The following FREM1 variants were observed in gnomAD, a reference collection of about 807,000 sequenced individuals.
The protein encoded by FREM1 is FRAS1-related extracellular matrix protein 1.
Under a neutral mutation model 210.1 loss-of-function variants are expected in FREM1, and 220 were observed. That is an observed-to-expected ratio of 1.05 (90% CI 0.94 to 1.17). The LOEUF is 1.17. Among genes scored for constraint, FREM1 ranks in the 50% most tolerant of loss-of-function variants. FREM1 has a pLI of 0.00. For missense variants in FREM1, 3,454 were observed against 2,675.5 expected (o/e 1.29, Z -6.42); for synonymous variants, 1,189 against 980.2 (o/e 1.21, Z -3.98).
At chr9:14,824,275 C>T (rs943803794) in intron 11 of FREM1, among the ~76,000 whole-genome samples, 160 bp from the exon 12 acceptor site, 1 of 152,136 alleles carries the variant, frequency 6.6e-6, no homozygotes, top group Non-Finnish European at 1.5e-5. Flanking sequence ...GCATTAAGTC[C>T]AGTTTCATCA....
chr9:14,799,822 G>C (rs1376173826), intron 20 of FREM1, among the ~76,000 whole-genome samples: 1 of 151,150 alleles, frequency 6.6e-6, no homozygotes, highest in African/African-American at 2.4e-5. Flanking sequence ...TATACTTTAA[G>C]TTTTAGGGTA....
At chr9:14,788,247 T>C (rs1220097931) in intron 23 of FREM1, among the ~76,000 whole-genome samples, 2 of 152,132 alleles carry the variant, frequency 1.3e-5, no homozygotes, top group Non-Finnish European at 2.9e-5. Context: ...GTAGTAACAG[T>C]TGGGTATCAA....
chr9:14,742,669 G>A (rs1360425735), intron 35 of FREM1, among the ~76,000 whole-genome samples: 1 of 152,114 alleles, frequency 6.6e-6, no homozygotes, highest in African/African-American at 2.4e-5. Flanking sequence ...CTAGGAATTT[G>A]ATCATACCTT....
intron 1 of FREM1, among the ~76,000 whole-genome samples, chr9:14,904,944 C>A (rs1307820945): frequency 6.6e-6 from 1 of 152,182 alleles, no homozygotes; most frequent in Non-Finnish European, 1.5e-5. Flanking sequence ...TTCCCCACTG[C>A]CATCAACCAC....
intron 23 of FREM1, among the ~76,000 whole-genome samples, chr9:14,786,097 C>T (rs1186159124): frequency 6.6e-6 from 1 of 152,142 alleles, no homozygotes. Context: ...AGGTACAGAA[C>T]TAAAGACCCT....
At chr9:14,764,998 G>C (rs1428898958) in intron 27 of FREM1, among the ~76,000 whole-genome samples, 3 of 152,080 alleles carry the variant, frequency 2.0e-5, no homozygotes, top group Non-Finnish European at 4.4e-5. Flanking sequence ...GTACTTCAAA[G>C]GGGTTAAGTG....
At position 14,801,888 on chromosome 9, in the gene FREM1, CAT is replaced by C; in HGVS notation, c.3472-16_3472-15del. On this transcript the variant is annotated splice_polypyrimidine_tract_variant and intron_variant, in intron 19 of 36. Transcript: ENST00000380880. Reference sequence around the variant, plus strand: ...ACCCTCACACACCTGAGCAAGAACACATGAGAAAAGTCAACAATGCATAAAAG... The same window carrying C: ...ACCCTCACACACCTGAGCAAGAACACGAGAAAAGTCAACAATGCATAAAAG... 6.3e-7 allele frequency: 1 copy of C among 1,579,508 alleles called. No homozygotes were observed. The highest frequency in any genetic ancestry group is 8.6e-7 in the Non-Finnish European group (1 of 1,158,584).
chr9:14,870,339 G>A (rs985909434), intron 1 of FREM1, among the ~76,000 whole-genome samples: 2 of 152,198 alleles, frequency 1.3e-5, no homozygotes, highest in Non-Finnish European at 1.5e-5. Flanking sequence ...ACACTTTACA[G>A]AGCAGCCTGT....
At position 14,906,719 on chromosome 9, in the gene FREM1, A is replaced by C. The variant is rs1817757591; in HGVS notation, c.-268+3195T>G. 7.2e-5 allele frequency among the ~76,000 whole-genome samples: 11 copies of C among 152,328 alleles called. No homozygotes were observed. The South Asian group carries it at 2.3e-3, about 32-fold the overall frequency. ...GTAGCATGGCAGTGGGTGTGGGCTA[A>C]TGAGGCAAAGTTGTGGCTCACATAT... On this transcript the variant is annotated intron_variant, in intron 1 of 36. Coordinates refer to ENST00000380880, the MANE Select transcript of FREM1 (RefSeq NM_001379081.2).
Position 14,801,715 on chromosome 9 carries a change from G to T in FREM1, c.3631C>A (p.Pro1211Thr), listed in dbSNP as rs76714828. Residue 1211 changes from proline (P) to threonine (T), a missense_variant, in exon 20 of 37, where the codon CCA becomes ACA. Coordinates refer to ENST00000380880, the MANE Select transcript of FREM1 (RefSeq NM_001379081.2). Reference sequence around the variant, plus strand: ...GCATGTTTCTGGTGAGGGTTGGCTGGCTGCTTATTCTCAGAGAAGTCTTTG... The same window carrying T: ...GCATGTTTCTGGTGAGGGTTGGCTGTCTGCTTATTCTCAGAGAAGTCTTTG... ...FSKDFSENKQ[P>T]ANPHQKHAPV... is the part of the protein sequence containing the mutation. 2 of 1,613,954 alleles carry T rather than the reference G, an allele frequency of 1.2e-6. No homozygotes were observed. Among genetic ancestry groups the T allele is most frequent in the Non-Finnish European group, 1.7e-6 (2 of 1,179,868 alleles).
At position 14,817,214 on chromosome 9, in the gene FREM1, C is replaced by G. The variant is rs148263421; in HGVS notation, c.2547-343G>C. On this transcript the variant is annotated intron_variant, in intron 14 of 36. Transcript: ENST00000380880. ...CACTGACTAGGGCCAGGAGAACCCT[C>G]AGACTGAGCAGTAGATGAGGAAAAG... 3.5e-3 allele frequency among the ~76,000 whole-genome samples: 537 copies of G among 152,300 alleles called. 7 individuals carry two copies. Among genetic ancestry groups the G allele is most frequent in the Middle Eastern group, 0.01 (3 of 294 alleles).
At chr9:14,774,095 C>T (rs958606118) in intron 25 of FREM1, 1 of 518,964 alleles carries the variant, frequency 1.9e-6, no homozygotes, top group African/African-American at 1.9e-5. Context: ...CTTCTTTCTT[C>T]TCCCAGTGCA....
At chr9:14,752,923 G>A (rs1436866004) in intron 29 of FREM1, among the ~76,000 whole-genome samples, 1 of 152,150 alleles carries the variant, frequency 6.6e-6, no homozygotes, top group Non-Finnish European at 1.5e-5. Context: ...AGAACCAGAT[G>A]GTTAGGGGTT....
intron 1 of FREM1, among the ~76,000 whole-genome samples, chr9:14,886,384 C>CAAAAAAAAAA (rs60702421): frequency 2.3e-4 from 14 of 59,798 alleles, no homozygotes; most frequent in Non-Finnish European, 3.1e-4. Context: ...GACTCCGACT[C>CAAAAAAAAAA]AAAAAAAAAA....
intron 1 of FREM1, among the ~76,000 whole-genome samples, chr9:14,906,305 T>C (rs911296794): frequency 1.3e-5 from 2 of 152,216 alleles, no homozygotes; most frequent in East Asian, 3.9e-4. Context: ...TTTTTCCTAC[T>C]GCACCTCTCT....
chr9:14,739,725 T>A (rs1379739162), intron 36 of FREM1, among the ~76,000 whole-genome samples: 2 of 151,792 alleles, frequency 1.3e-5, no homozygotes, highest in Non-Finnish European at 2.9e-5. Context: ...ATCCAACATA[T>A]ATTTGTTAAA....
intron 10 of FREM1, among the ~76,000 whole-genome samples, chr9:14,826,399 C>T (rs113856617): frequency 3.2e-4 from 49 of 152,244 alleles, no homozygotes; most frequent in African/African-American, 8.2e-4. Context: ...CACCTTTCAA[C>T]ATCTTTTACT....
At chr9:14,843,345 G>T (rs1262644935) in intron 8 of FREM1, among the ~76,000 whole-genome samples, 1 of 152,072 alleles carries the variant, frequency 6.6e-6, no homozygotes, top group Non-Finnish European at 1.5e-5. Flanking sequence ...TTTGGACTGG[G>T]TTACACCATC....
intron 1 of FREM1, among the ~76,000 whole-genome samples, chr9:14,899,641 C>T (rs1431180962): frequency 6.6e-6 from 1 of 152,136 alleles, no homozygotes. Flanking sequence ...CAGTATGGAA[C>T]ACACAAGCAG....
Sources: allele counts gnomAD v4.1 joint callset (sites outside exome capture counted in the v4.1 genomes callset), GRCh38; gene constraint gnomAD v4.1.1; transcripts MANE v1.5; gene names NCBI Gene and HGNC (gene_info 2026-07-23, HGNC 2026-07-21).